MAST4: variants seen among roughly 807,000 people sequenced by gnomAD.
MAST4 encodes microtubule associated serine/threonine kinase family member 4.
MAST4 carries 89 observed loss-of-function variants against 162.7 expected under a neutral mutation model. That is an observed-to-expected ratio of 0.55 (90% CI 0.46 to 0.65). MAST4 has a LOEUF of 0.65. Ranked by LOEUF, MAST4 falls within the 30% of genes least tolerant of loss-of-function variation. MAST4 has a pLI of 0.00. For synonymous variants in MAST4, 1,479 were observed against 1,361.1 expected (o/e 1.09, Z -1.91); for missense variants, 3,153 against 3,374.0 (o/e 0.93, Z 1.62).
chr5:66,728,916 G>A (rs1339694570), intron 1 of MAST4, among the ~76,000 whole-genome samples: 1 of 152,200 alleles, frequency 6.6e-6, no homozygotes, highest in East Asian at 1.9e-4. Flanking sequence ...GGGGATAGAG[G>A]CTTACCCTGA....
intron 1 of MAST4, among the ~76,000 whole-genome samples, chr5:66,759,465 A>G (rs982549122): frequency 3.3e-5 from 5 of 152,118 alleles, no homozygotes; most frequent in African/African-American, 1.2e-4. Context: ...TGACCCACTA[A>G]TGTGCTGTGA....
In MAST4 at chr5:66,968,945, AAGG is replaced by A. The variant is rs533818491; in HGVS notation, c.674+68969_674+68971del. Among the ~76,000 whole-genome samples, 262 of 152,334 alleles carry A rather than the reference AAGG, an allele frequency of 1.7e-3. 1 individual carries two copies. Among genetic ancestry groups the A allele is most frequent in the African/African-American group, 5.9e-3 (244 of 41,584 alleles). On this transcript the variant is annotated intron_variant, in intron 4 of 28. Coordinates refer to ENST00000403625, the MANE Select transcript of MAST4 (RefSeq NM_001164664.2). Reference sequence around the variant, plus strand: ...CACACGGAAGAGGATAAGTCACTCTAAGGAGGAGTAGTAGAATGTAAGTTCTGG... The same window carrying A: ...CACACGGAAGAGGATAAGTCACTCTAAGGAGTAGTAGAATGTAAGTTCTGG...
intron 4 of MAST4, among the ~76,000 whole-genome samples, chr5:66,908,601 T>G (rs1405647994): frequency 2.0e-5 from 3 of 152,140 alleles, no homozygotes; most frequent in Non-Finnish European, 4.4e-5. Context: ...TATTTCATAT[T>G]TACTGGAATA....
At position 66,945,292 on chromosome 5, in the gene MAST4, T is replaced by C. The variant is rs73103928; in HGVS notation, c.674+45310T>C. Among the ~76,000 whole-genome samples, 1,212 of 152,222 alleles carry C rather than the reference T, an allele frequency of 8.0e-3. 22 individuals are homozygous for C. The highest frequency in any genetic ancestry group is 0.028 in the African/African-American group (1,158 of 41,546). On this transcript the variant is annotated intron_variant, in intron 4 of 28. Transcript: ENST00000403625. ...GTTGAGTGAGAGTCTGGTTTTTAGT[T>C]GGTTTTTCCTAAGCAGTTAAAGTTT...
intron 3 of MAST4, among the ~76,000 whole-genome samples, chr5:66,805,772 C>T (rs1350540855): frequency 2.0e-5 from 3 of 152,126 alleles, no homozygotes; most frequent in East Asian, 3.9e-4. Flanking sequence ...CATCAGCCTG[C>T]GAAGCTGGAC....
intron 4 of MAST4, among the ~76,000 whole-genome samples, chr5:67,020,808 T>G (rs1335218726): frequency 1.3e-5 from 2 of 152,194 alleles, no homozygotes; most frequent in African/African-American, 4.8e-5. Context: ...TGTGACGCAC[T>G]TAGAGCAAGT....
intron 4 of MAST4, among the ~76,000 whole-genome samples, chr5:67,002,730 A>G (rs1274006709): frequency 1.3e-5 from 2 of 152,062 alleles, no homozygotes; most frequent in Admixed American, 6.6e-5. Context: ...TGGTCCTATT[A>G]TGGACCCCAT....
intron 3 of MAST4, among the ~76,000 whole-genome samples, chr5:66,832,126 C>T (rs974059119): frequency 3.2e-4 from 48 of 152,190 alleles, no homozygotes; most frequent in African/African-American, 1.1e-3. Flanking sequence ...CATCCCAGAG[C>T]GGCTGACGAT....
chr5:66,825,222 G>A (rs1234767998), intron 3 of MAST4, among the ~76,000 whole-genome samples: 1 of 148,572 alleles, frequency 6.7e-6, no homozygotes, highest in African/African-American at 2.5e-5. Flanking sequence ...ATTTAGAAAT[G>A]TATTTTTTAA....
At chr5:66,897,344 C>G (rs1357400944) in intron 3 of MAST4, among the ~76,000 whole-genome samples, 1 of 152,092 alleles carries the variant, frequency 6.6e-6, no homozygotes, top group Admixed American at 6.5e-5. Context: ...AATGAGGACA[C>G]ATACACGAAG....
At chr5:66,602,629 G>A (rs1398986644) in intron 1 of MAST4, among the ~76,000 whole-genome samples, 1 of 152,118 alleles carries the variant, frequency 6.6e-6, no homozygotes, top group African/African-American at 2.4e-5. Flanking sequence ...CCATGACCTG[G>A]TGGCTTGGCC....
chr5:67,014,186 C>T (rs1010357194), intron 4 of MAST4, among the ~76,000 whole-genome samples: 8 of 152,062 alleles, frequency 5.3e-5, no homozygotes, highest in African/African-American at 1.9e-4. Flanking sequence ...AATTTGCTAA[C>T]CCAAAAACTG....
intron 1 of MAST4, among the ~76,000 whole-genome samples, chr5:66,666,869 AG>A (rs1747294147): frequency 6.6e-6 from 1 of 152,252 alleles, no homozygotes; most frequent in South Asian, 2.1e-4. Context: ...GTGAGTAAAC[AG>A]GTTGCCTATA....
intron 10 of MAST4, among the ~76,000 whole-genome samples, chr5:67,104,961 G>T (rs1024102116): frequency 6.6e-6 from 1 of 152,200 alleles, no homozygotes; most frequent in Non-Finnish European, 1.5e-5. Context: ...ATGGAAAATT[G>T]CTGGCTTCTT....
At chr5:66,902,774 C>T (rs1306065147) in intron 4 of MAST4, 2 of 443,078 alleles carry the variant, frequency 4.5e-6, no homozygotes, top group Admixed American at 5.8e-5. Context: ...ATTCCAGCTT[C>T]CTAGACAGCT....
chr5:67,087,569 C>G (rs1481128158), intron 5 of MAST4, among the ~76,000 whole-genome samples: 1 of 152,098 alleles, frequency 6.6e-6, no homozygotes, highest in Non-Finnish European at 1.5e-5. Context: ...CCTGAAGTCA[C>G]CTTCTGTTTC....
In MAST4 at chr5:67,164,168, C is replaced by A. The variant is rs774349566; in HGVS notation, c.4989C>A (p.Gly1663=). ...GGGGCATCTCTGGGAAGGGGGAAGG[C>A]ACGGAGAAGTCCTCCCAGGCCAAGG... ...LDRGISGKGE[G]TEKSSQAKEL... is the part of the protein sequence containing the mutation. The change falls in exon 29 of 29, where the codon GGC becomes GGA. Residue 1663 remains glycine (G), a synonymous_variant. Coordinates refer to ENST00000403625, the MANE Select transcript of MAST4 (RefSeq NM_001164664.2). This position sits in a 1 kb window ranked among gnomAD's most constrained non-coding sequence, Gnocchi z 5.3. 1.7e-5 allele frequency: 28 copies of A among 1,610,190 alleles called. No individual in the cohort carries two copies. Among genetic ancestry groups the A allele is most frequent in the Non-Finnish European group, 2.3e-5 (27 of 1,178,292 alleles).
intron 1 of MAST4, among the ~76,000 whole-genome samples, chr5:66,666,959 G>C (rs1747300877): frequency 6.6e-6 from 1 of 151,994 alleles, no homozygotes; most frequent in Non-Finnish European, 1.5e-5. Flanking sequence ...ACTGGGGCTT[G>C]ACTGGCAGCC....
chr5:66,804,090 T>TA (rs768577422), intron 3 of MAST4, among the ~76,000 whole-genome samples: 6 of 152,168 alleles, frequency 3.9e-5, no homozygotes, highest in South Asian at 2.1e-4. Context: ...TCGTGACAAA[T>TA]ATGTTTATAT....
Sources: allele counts gnomAD v4.1 joint callset (sites outside exome capture counted in the v4.1 genomes callset), GRCh38; gene constraint gnomAD v4.1.1; non-coding constraint Gnocchi (gnomAD v3.1); transcripts MANE v1.5; gene names NCBI Gene and HGNC (gene_info 2026-07-23, HGNC 2026-07-21).